PTPRD: variants seen among roughly 807,000 people sequenced by gnomAD.
The protein encoded by PTPRD is protein tyrosine phosphatase receptor type D.
A neutral mutation model predicts 214.5 loss-of-function variants in PTPRD; 34 were observed. The observed-to-expected ratio is 0.16, with a 90% CI of 0.12 to 0.21. The LOEUF is 0.21. Ranked by LOEUF, PTPRD falls within the 10% of genes least tolerant of loss-of-function variation. The pLI, the probability that PTPRD is intolerant of heterozygous loss-of-function variation, is 1.00. For synonymous variants in PTPRD, 1,128 were observed against 845.7 expected (o/e 1.33, Z -5.79); for missense variants, 2,545 against 2,398.7 (o/e 1.06, Z -1.27).
intron 3 of PTPRD, among the ~76,000 whole-genome samples, chr9:10,135,193 G>T (rs1453250379): frequency 2.0e-5 from 3 of 152,170 alleles, no homozygotes; most frequent in East Asian, 1.9e-4. Context: ...AGAATGTTTA[G>T]AAATAAACAA....
chr9:9,149,625 C>T (rs2099874654), intron 10 of PTPRD, among the ~76,000 whole-genome samples: 1 of 152,184 alleles, frequency 6.6e-6, no homozygotes, highest in Non-Finnish European at 1.5e-5. Context: ...GGCTTCATCC[C>T]AATCCAAGTA....
chr9:9,100,994 T>G (rs1031550403), intron 10 of PTPRD, among the ~76,000 whole-genome samples: 2 of 152,156 alleles, frequency 1.3e-5, no homozygotes, highest in African/African-American at 2.4e-5. Context: ...TTTTGTTAAT[T>G]TTTATCATAC....
chr9:9,425,462 T>C (rs963692075), intron 8 of PTPRD, among the ~76,000 whole-genome samples: 82 of 145,738 alleles, frequency 5.6e-4, no homozygotes, highest in Middle Eastern at 7.6e-3. Flanking sequence ...ATATAAAATA[T>C]ATAATTATAT....
intron 2 of PTPRD, among the ~76,000 whole-genome samples, chr9:10,352,359 T>C (rs1387028151): frequency 6.6e-6 from 1 of 152,002 alleles, no homozygotes; most frequent in Non-Finnish European, 1.5e-5. Context: ...TTGGGCAGAT[T>C]CTTATACTCG....
intron 11 of PTPRD, among the ~76,000 whole-genome samples, chr9:8,847,204 C>T (rs1033988168): frequency 6.6e-6 from 1 of 151,632 alleles, no homozygotes; most frequent in African/African-American, 2.4e-5. Context: ...AAATCAAATT[C>T]AGGTCGAGTC....
chr9:8,763,119 T>C (rs186482194), intron 11 of PTPRD, among the ~76,000 whole-genome samples: 56 of 152,252 alleles, frequency 3.7e-4, no homozygotes, highest in Non-Finnish European at 5.6e-4. Context: ...CTGCCAAAGA[T>C]GGTTTCAAGC....
At chr9:9,677,985 T>C (rs540330065) in intron 7 of PTPRD, among the ~76,000 whole-genome samples, 1 of 151,956 alleles carries the variant, frequency 6.6e-6, no homozygotes, top group African/African-American at 2.4e-5. Context: ...TCAAAGAGAA[T>C]AAAATACCTA....
At chr9:8,989,610 C>T (rs1387161140) in intron 11 of PTPRD, among the ~76,000 whole-genome samples, 2 of 152,040 alleles carry the variant, frequency 1.3e-5, no homozygotes, top group African/African-American at 2.4e-5. Context: ...CATCCAATGA[C>T]AGTCACTGAA....
At chr9:8,735,903 T>C (rs918292392) in intron 11 of PTPRD, among the ~76,000 whole-genome samples, 1 of 96,212 alleles carries the variant, frequency 1.0e-5, no homozygotes, top group African/African-American at 4.7e-5. Flanking sequence ...CAAGTGAGAC[T>C]TCGTCTCAAA....
intron 10 of PTPRD, among the ~76,000 whole-genome samples, chr9:9,137,307 G>T (rs2099852419): frequency 6.6e-6 from 1 of 152,108 alleles, no homozygotes; most frequent in South Asian, 2.1e-4. Context: ...TTTAAACCAG[G>T]TGTGACAATT....
At chr9:10,460,645 T>C (rs935455451) in intron 2 of PTPRD, among the ~76,000 whole-genome samples, 5 of 152,142 alleles carry the variant, frequency 3.3e-5, no homozygotes, top group Non-Finnish European at 5.9e-5. Flanking sequence ...TCAATAAATT[T>C]GCTGGATTTA....
At chr9:10,402,688 CT>C (rs1159053576) in intron 2 of PTPRD, among the ~76,000 whole-genome samples, 1 of 151,640 alleles carries the variant, frequency 6.6e-6, no homozygotes. Context: ...TAGTTGTTAG[CT>C]TGACTAAATC....
intron 11 of PTPRD, among the ~76,000 whole-genome samples, chr9:8,876,305 C>G (rs949957392): frequency 6.6e-6 from 1 of 151,902 alleles, no homozygotes; most frequent in Non-Finnish European, 1.5e-5. Flanking sequence ...AAATACTACA[C>G]TTGGGGTATA....
chr9:10,094,318 G>C (rs1477004875), intron 3 of PTPRD, among the ~76,000 whole-genome samples: 1 of 151,100 alleles, frequency 6.6e-6, no homozygotes, highest in Non-Finnish European at 1.5e-5. Context: ...ACAAGTCAGA[G>C]TCACTGGATG....
chr9:9,012,654 G>T (rs974764007), intron 11 of PTPRD, among the ~76,000 whole-genome samples: 1 of 152,120 alleles, frequency 6.6e-6, no homozygotes, highest in Admixed American at 6.6e-5. Context: ...GACTTTGAAG[G>T]AGATTTACAG....
intron 8 of PTPRD, among the ~76,000 whole-genome samples, chr9:9,533,984 T>C (rs1043136365): frequency 6.6e-6 from 1 of 152,074 alleles, no homozygotes; most frequent in African/African-American, 2.4e-5. Flanking sequence ...TTAAAAAATA[T>C]GTTAAAATTG....
chr9:10,062,944 C>G lies in PTPRD; in HGVS notation c.-544-29154G>C, dbSNP rs371456313. On this transcript the variant is annotated intron_variant, in intron 3 of 45. Coordinates refer to ENST00000381196, the MANE Select transcript of PTPRD (RefSeq NM_002839.4). ...GAATGAGAGAGATGAAATAGTTTGTCTTATTTTGTAGGTACCATGAGAACA... is the reference window on the plus strand; with the variant it reads ...GAATGAGAGAGATGAAATAGTTTGTGTTATTTTGTAGGTACCATGAGAACA... Among the ~76,000 whole-genome samples the G allele has an allele frequency of 5.3e-5, 8 of 152,020 alleles. No individual in the cohort carries two copies. The South Asian group carries it at 1.7e-3, about 32-fold the overall frequency.
At chr9:8,329,371 A>G (rs553924935) in intron 44 of PTPRD, among the ~76,000 whole-genome samples, 54 of 152,226 alleles carry the variant, frequency 3.5e-4, no homozygotes, top group African/African-American at 1.3e-3. Context: ...ATTGCTGCCT[A>G]TTCCTTCCTC....
chr9:8,563,652 G>C (rs2087482189), intron 14 of PTPRD, among the ~76,000 whole-genome samples: 1 of 151,830 alleles, frequency 6.6e-6, no homozygotes, highest in African/African-American at 2.4e-5. Flanking sequence ...GGCCAGGCTG[G>C]TCTTGAACTC....
Sources: allele counts gnomAD v4.1 joint callset (sites outside exome capture counted in the v4.1 genomes callset), GRCh38; gene constraint gnomAD v4.1.1; transcripts MANE v1.5; gene names NCBI Gene and HGNC (gene_info 2026-07-23, HGNC 2026-07-21).